Variants in TUBG2 observed in about 807,000 individuals in gnomAD.
TUBG2 encodes tubulin gamma-2 chain.
TUBG2 carries 39 observed loss-of-function variants against 55.1 expected under a neutral mutation model. That is an observed-to-expected ratio of 0.71 (90% CI 0.55 to 0.93). TUBG2 has a LOEUF of 0.93. Among genes scored for constraint, TUBG2 ranks in the 40% least tolerant of loss-of-function variants. The pLI, the probability that TUBG2 is intolerant of heterozygous loss-of-function variation, is 0.00. For missense variants in TUBG2, 358 were observed against 599.1 expected (o/e 0.60, Z 4.20); for synonymous variants, 223 against 241.0 (o/e 0.93, Z 0.69).
At chr17:42,660,782 G>A in intron 4 of TUBG2, 75 bp downstream of exon 4, 1 of 1,310,522 alleles carries the variant, frequency 7.6e-7, no homozygotes, top group South Asian at 1.2e-5. Flanking sequence ...AGGTGGCCTG[G>A]ATAGGTAATA....
Position 42,659,671 on chromosome 17 carries a change from G to A in TUBG2, c.49+119G>A, listed in dbSNP as rs138446469. 1,459 of 1,383,006 alleles carry A rather than the reference G, an allele frequency of 1.1e-3. 6 individuals carry two copies. The highest frequency in any genetic ancestry group is 6.1e-3 in the Middle Eastern group (33 of 5,452). The allele number at this position is 1,383,006 out of a possible 1,614,324, so 85.7% of individuals were successfully genotyped here. On this transcript the variant is annotated intron_variant, in intron 1 of 10. Coordinates refer to ENST00000251412, the MANE Select transcript of TUBG2 (RefSeq NM_016437.3). Reference sequence around the variant, plus strand: ...CATGAACCCCCTGCCCTGCTGCTCTGGATAACCCAGACCGAGAGCTGCGCC... The same window carrying A: ...CATGAACCCCCTGCCCTGCTGCTCTAGATAACCCAGACCGAGAGCTGCGCC...
Sources: allele counts gnomAD v4.1 joint callset, GRCh38; gene constraint gnomAD v4.1.1; transcripts MANE v1.5; gene names NCBI Gene and HGNC (gene_info 2026-07-23, HGNC 2026-07-21).